RNF20: variants seen among roughly 807,000 people sequenced by gnomAD.
RNF20 encodes the protein E3 ubiquitin-protein ligase BRE1A.
A neutral mutation model predicts 126.2 loss-of-function variants in RNF20; 84 were observed. The ratio of observed to expected loss-of-function variants is 0.67; its 90% CI spans 0.56 to 0.80. The LOEUF is 0.80. Ranked by LOEUF, RNF20 falls within the 30% of genes least tolerant of loss-of-function variation. RNF20 has a pLI of 0.00. For missense variants in RNF20, 869 were observed against 1,188.2 expected (o/e 0.73, Z 3.95); for synonymous variants, 400 against 414.3 (o/e 0.97, Z 0.42).
At chr9:101,538,008 T>C (rs1242947403) in intron 2 of RNF20, among the ~76,000 whole-genome samples, 3 of 152,120 alleles carry the variant, frequency 2.0e-5, no homozygotes, top group African/African-American at 7.2e-5. Context: ...GATCATGGAA[T>C]TTAAGTTCAG....
intron 5 of RNF20, among the ~76,000 whole-genome samples, chr9:101,541,295 T>C (rs72745315): frequency 0.15 from 23,035 of 152,230 alleles, 2,313 homozygotes; most frequent in East Asian, 0.36. Context: ...GGTCTCAAAC[T>C]TGGCCTCAAG....
In RNF20 at chr9:101,540,207, A is replaced by G; in HGVS notation, c.134A>G (p.Glu45Gly). 1 of 1,613,818 alleles carries G rather than the reference A, an allele frequency of 6.2e-7. No individual in the cohort carries two copies. Among genetic ancestry groups the G allele is most frequent in the Non-Finnish European group, 8.5e-7 (1 of 1,179,868 alleles). The part of the protein sequence containing the change: ...IKLGGVSSTE[E>G]LDIRTLQTKN... ...TACGATTGGTTTACTGGGCAGGAGGAACTAGACATTAGAACACTGCAAACC... is the reference window on the plus strand; with the variant it reads ...TACGATTGGTTTACTGGGCAGGAGGGACTAGACATTAGAACACTGCAAACC... Residue 45 changes from glutamate (E) to glycine (G), a missense_variant, in exon 3 of 20, where the codon GAA (glutamate) becomes GGA (glycine). By Grantham distance (98) the Glu-to-Gly change is moderately conservative. Around this residue, in one of 8 missense-constraint regions of RNF20, gnomAD observed 157 missense variants for 236.0 expected, o/e 0.67. Transcript: ENST00000389120.
chr9:101,557,929 A>G (rs141360476), intron 16 of RNF20, among the ~76,000 whole-genome samples: 1 of 151,896 alleles, frequency 6.6e-6, no homozygotes, highest in African/African-American at 2.4e-5. Flanking sequence ...GGAAGGCTGC[A>G]TGAGAAACTG....
intron 16 of RNF20, among the ~76,000 whole-genome samples, chr9:101,558,725 G>A (rs1194888795): frequency 6.6e-6 from 1 of 152,084 alleles, no homozygotes; most frequent in African/African-American, 2.4e-5. Flanking sequence ...GTATATTCAT[G>A]TCCTTAGCCC....
intron 14 of RNF20, 81 bp downstream of exon 14, chr9:101,554,186 ATTTC>A (rs1827492742): frequency 2.6e-6 from 2 of 772,514 alleles, no homozygotes. Flanking sequence ...CAACGATATA[ATTTC>A]TTTCTTTATC....
rs776210622 is a variant in RNF20 at position 101,557,381 on chromosome 9, T to C, written c.2170-3T>C. ...AAATCAAATCTCTTCCTTCATCCTT[T>C]AGGAAGAAGAAGCACTCCTCTCTGA... On this transcript the variant is annotated splice_region_variant and splice_polypyrimidine_tract_variant and intron_variant, in intron 15 of 19. Coordinates refer to ENST00000389120, the MANE Select transcript of RNF20 (RefSeq NM_019592.7). 1 of 1,604,136 alleles carries C rather than the reference T, an allele frequency of 6.2e-7. No homozygotes were observed. The highest frequency in any genetic ancestry group is 8.5e-7 in the Non-Finnish European group (1 of 1,171,164).
chr9:101,550,866 A>G, intron 10 of RNF20, 81 bp downstream of exon 10: 1 of 1,205,284 alleles, frequency 8.3e-7, no homozygotes, highest in Non-Finnish European at 1.2e-6. Context: ...TGTGCAATTA[A>G]TCTCTCATTC....
At chr9:101,550,113 T>C (rs982478622) in intron 9 of RNF20, among the ~76,000 whole-genome samples, 4 of 152,178 alleles carry the variant, frequency 2.6e-5, no homozygotes, top group Non-Finnish European at 5.9e-5. Flanking sequence ...TTAAATGATA[T>C]GAATAAAGAT....
Position 101,557,576 on chromosome 9 carries a change from G to T in RNF20, c.2362G>T (p.Val788Leu), listed in dbSNP as rs1383064773. Residue 788 changes from valine (V) to leucine (L), a missense_variant, in exon 16 of 20, where the codon GTG becomes TTG. Physicochemically the swap from Val to Leu is conservative, Grantham distance 32 (BLOSUM62 1). Transcript: ENST00000389120. ...AGAGAAGGAGGAGCTGGCAGACCAG[G>T]TGTTGACTCTGAAGACTCAGGTAAT... Reference protein sequence around the residue: ...KEEKEELADQVLTLKTQVDAQ... With the variant: ...KEEKEELADQLLTLKTQVDAQ... 2 of 1,613,726 alleles carry T rather than the reference G, an allele frequency of 1.2e-6. No individual in the cohort carries two copies. Among genetic ancestry groups the T allele is most frequent in the Non-Finnish European group, 1.7e-6 (2 of 1,179,712 alleles).
intron 16 of RNF20, among the ~76,000 whole-genome samples, chr9:101,559,913 C>T (rs971988092): frequency 2.0e-5 from 3 of 152,144 alleles, no homozygotes; most frequent in African/African-American, 7.2e-5. Context: ...TGTCTGATTG[C>T]TCTGGCTAGG....
chr9:101,541,594 G>A (rs1827261078), intron 5 of RNF20, among the ~76,000 whole-genome samples: 1 of 151,984 alleles, frequency 6.6e-6, no homozygotes, highest in Non-Finnish European at 1.5e-5. Context: ...TCTAATATCT[G>A]GATCTGTTTA....
chr9:101,557,877 A>C (rs917833261), intron 16 of RNF20, among the ~76,000 whole-genome samples: 1 of 152,048 alleles, frequency 6.6e-6, no homozygotes, highest in African/African-American at 2.4e-5. Flanking sequence ...GTTAAAGTAT[A>C]TGTTTACTTG....
chr9:101,548,091 A>T (rs923239523), intron 9 of RNF20, among the ~76,000 whole-genome samples: 3 of 152,232 alleles, frequency 2.0e-5, no homozygotes, highest in Non-Finnish European at 2.9e-5. Flanking sequence ...ATTGTGAATA[A>T]CCTTAACCAG....
intron 2 of RNF20, 148 bp downstream of exon 2, chr9:101,535,700 G>T (rs1248748916): frequency 2.6e-6 from 2 of 770,968 alleles, no homozygotes; most frequent in South Asian, 3.9e-5. Context: ...AAAATGATGT[G>T]GTAGTCAGTT....
intron 15 of RNF20, among the ~76,000 whole-genome samples, chr9:101,556,276 A>G (rs190032838): frequency 2.5e-4 from 38 of 152,310 alleles, no homozygotes; most frequent in African/African-American, 8.4e-4. Context: ...AAATTGAAAA[A>G]GAACAGCACT....
At position 101,562,565 on chromosome 9, in the gene RNF20, C is replaced by G. The variant is rs986476576; in HGVS notation, c.*143C>G. The G allele has an allele frequency of 4.3e-6, 3 of 700,412 alleles. No individual in the cohort carries two copies. Among genetic ancestry groups the G allele is most frequent in the Admixed American group, 3.1e-5 (1 of 31,822 alleles). The allele number at this position is 700,412 out of a possible 1,614,324, so 43.4% of individuals were successfully genotyped here. On this transcript the variant is annotated 3_prime_UTR_variant, in exon 20 of 20. Transcript: ENST00000389120. Reference sequence around the variant, plus strand: ...TTCCTCCAGACTTTACTTCCAGGCTCTCCTCTTCAGTAGCTGGATGACTTT... The same window carrying G: ...TTCCTCCAGACTTTACTTCCAGGCTGTCCTCTTCAGTAGCTGGATGACTTT...
chr9:101,546,161 A>C (rs1003934336), intron 6 of RNF20, among the ~76,000 whole-genome samples: 1 of 152,186 alleles, frequency 6.6e-6, no homozygotes, highest in African/African-American at 2.4e-5. Flanking sequence ...GAGGACTTTC[A>C]AAGGATTTTT....
intron 16 of RNF20, among the ~76,000 whole-genome samples, chr9:101,558,506 A>G (rs528105046): frequency 3.3e-5 from 5 of 152,142 alleles, no homozygotes; most frequent in South Asian, 2.1e-4. Flanking sequence ...TGATTGTACT[A>G]GTTTACATTC....
chr9:101,548,993 C>T lies in RNF20; in HGVS notation c.1092+1475C>T, dbSNP rs527974540. 3.9e-5 allele frequency among the ~76,000 whole-genome samples: 6 copies of T among 152,356 alleles called. No homozygotes were observed. In the East Asian group the frequency reaches 1.2e-3, roughly 29 times the overall value. ...CACGATTGGTGATCCTGTTGGTCTTCAAACCTGCCCAGAAGAATTTTCTTC... is the reference window on the plus strand; with the variant it reads ...CACGATTGGTGATCCTGTTGGTCTTTAAACCTGCCCAGAAGAATTTTCTTC... On this transcript the variant is annotated intron_variant, in intron 9 of 19. Coordinates refer to ENST00000389120, the MANE Select transcript of RNF20 (RefSeq NM_019592.7).
Sources: allele counts gnomAD v4.1 joint callset (sites outside exome capture counted in the v4.1 genomes callset), GRCh38; gene constraint gnomAD v4.1.1; regional missense constraint gnomAD v4.1.1; transcripts MANE v1.5; gene names NCBI Gene and HGNC (gene_info 2026-07-23, HGNC 2026-07-21).